Variants in ZMYND11 observed in about 807,000 individuals in gnomAD.
The protein encoded by ZMYND11 is zinc finger MYND-type containing 11, also known as zinc finger MYND domain-containing protein 11.
In ZMYND11, 9 loss-of-function variants were observed where a neutral mutation model predicts 84.9. The observed-to-expected ratio is 0.11, with a 90% confidence interval of 0.06 to 0.18. ZMYND11 has a LOEUF of 0.18. Among genes scored for constraint, ZMYND11 ranks in the 10% least tolerant of loss-of-function variants. The pLI, the probability that ZMYND11 is intolerant of heterozygous loss-of-function variation, is 1.00. For missense variants in ZMYND11, 409 were observed against 761.0 expected, an observed-to-expected ratio of 0.54 and a Z score of 5.44; for synonymous variants, 250 against 244.1, an observed-to-expected ratio of 1.02 and a Z score of -0.23.
At chr10:194,846 T>C (rs1038355523) in intron 2 of ZMYND11, among the ~76,000 whole-genome samples, 10 of 152,152 alleles carry the variant, frequency 6.6e-5, no homozygotes, top group African/African-American at 2.2e-4. Flanking sequence ...TCTGGAGGGA[T>C]GTAATGGAGG....
intron 2 of ZMYND11, among the ~76,000 whole-genome samples, chr10:202,045 A>G (rs754922286): frequency 1.4e-4 from 22 of 152,166 alleles, no homozygotes; most frequent in Non-Finnish European, 2.9e-4. Flanking sequence ...GCTAACAAAT[A>G]TGTTTTCACA....
chr10:144,444 A>T (rs1046006099), intron 1 of ZMYND11, among the ~76,000 whole-genome samples: 10 of 151,936 alleles, frequency 6.6e-5, no homozygotes, highest in Non-Finnish European at 1.3e-4. Flanking sequence ...ATCATCTCGA[A>T]CACCTAGGCT....
upstream of ZMYND11, among the ~76,000 whole-genome samples, chr10:133,060 C>A (rs999516808): frequency 1.3e-5 from 2 of 152,236 alleles, no homozygotes; most frequent in Admixed American, 6.5e-5. Flanking sequence ...CACATTCATT[C>A]AGCTGAGGGG....
intron 10 of ZMYND11, among the ~76,000 whole-genome samples, chr10:245,628 C>T (rs1589263423): frequency 6.6e-6 from 1 of 152,274 alleles, no homozygotes; most frequent in African/African-American, 2.4e-5. Context: ...GTGATGTTCC[C>T]TCTGCCTGGA....
In ZMYND11 at chr10:200,415, T is replaced by TA. The variant is rs576552900; in HGVS notation, c.117-9473dup. 1.1e-3 allele frequency among the ~76,000 whole-genome samples: 159 copies of TA among 147,326 alleles called. 2 individuals carry two copies. The highest frequency in any genetic ancestry group is 3.7e-3 in the African/African-American group (149 of 40,404). On this transcript the variant is annotated intron_variant, in intron 2 of 14. Transcript: ENST00000381604. ...ATATATTATATATACACCCTATATA[T>TA]ATAATAATATATGTTATAATAAATA... is the stretch of plus-strand genomic sequence containing the variant.
chr10:207,836 C>T (rs1944463453), intron 2 of ZMYND11, among the ~76,000 whole-genome samples: 2 of 152,308 alleles, frequency 1.3e-5, no homozygotes, highest in East Asian at 3.9e-4. Flanking sequence ...CCCACATCGC[C>T]AAGTCAATCC....
At chr10:230,289 A>G (rs1948784630) in intron 4 of ZMYND11, among the ~76,000 whole-genome samples, 1 of 152,110 alleles carries the variant, frequency 6.6e-6, no homozygotes, top group Non-Finnish European at 1.5e-5. Flanking sequence ...CCTGGCCAAT[A>G]TGGTGAAACT....
intron 1 of ZMYND11, among the ~76,000 whole-genome samples, chr10:144,906 A>T (rs1443830447): frequency 6.7e-6 from 1 of 150,328 alleles, no homozygotes; most frequent in Non-Finnish European, 1.5e-5. Context: ...AGAGATTTTT[A>T]AAATTTCTTA....
At position 239,414 on chromosome 10, in the gene ZMYND11, C is replaced by G. The variant is rs533622631; in HGVS notation, c.610-24C>G. 10 of 1,597,118 alleles carry G rather than the reference C, an allele frequency of 6.3e-6. No individual in the cohort carries two copies. In the South Asian group the frequency reaches 6.8e-5, roughly 11 times the overall value. Reference sequence around the variant, plus strand: ...TATTTTTACTGGTAACTCTTTTCGTCATTCTGTTTTTTGCCCTCTGCAGAA... The same window carrying G: ...TATTTTTACTGGTAACTCTTTTCGTGATTCTGTTTTTTGCCCTCTGCAGAA... On this transcript the variant is annotated intron_variant, in intron 6 of 14. Transcript: ENST00000381604.
At chr10:241,080 T>C in intron 9 of ZMYND11, 110 bp downstream of exon 9, 1 of 778,908 alleles carries the variant, frequency 1.3e-6, no homozygotes. Flanking sequence ...TATCATAGTA[T>C]ATATGGGTTT....
Position 177,377 on chromosome 10 carries a change from AGT to A in ZMYND11, c.-19-2614_-19-2613del, listed in dbSNP as rs376715830. On this transcript the variant is annotated intron_variant, in intron 1 of 14. Coordinates refer to ENST00000381604, the MANE Select transcript of ZMYND11 (RefSeq NM_001370100.5). ...TATAACTAATGATCATCCTCCTTAT[AGT>A]GTACCTGTATTACAAGGTATGTTTA... Among the ~76,000 whole-genome samples, 38 of 152,206 alleles carry A rather than the reference AGT, an allele frequency of 2.5e-4. No homozygotes were observed. The East Asian group carries it at 7.1e-3, about 29-fold the overall frequency.
At chr10:216,246 G>A (rs1946178365) in intron 3 of ZMYND11, among the ~76,000 whole-genome samples, 2 of 152,170 alleles carry the variant, frequency 1.3e-5, no homozygotes, top group Non-Finnish European at 2.9e-5. Context: ...TATTAAGTGA[G>A]GCTAAATTCA....
At chr10:150,782 C>A (rs1840146323) in intron 1 of ZMYND11, among the ~76,000 whole-genome samples, 1 of 152,198 alleles carries the variant, frequency 6.6e-6, no homozygotes, top group Admixed American at 6.5e-5. Context: ...GGACAGACTG[C>A]CTCCTCAAGT....
intron 4 of ZMYND11, among the ~76,000 whole-genome samples, 162 bp from the exon 5 acceptor site, chr10:236,676 T>C (rs1367292031): frequency 6.6e-6 from 1 of 152,238 alleles, no homozygotes; most frequent in Non-Finnish European, 1.5e-5. Flanking sequence ...TGCTGTTTTT[T>C]TTATGCAAAT....
At chr10:156,200 T>C (rs782795847) in intron 1 of ZMYND11, among the ~76,000 whole-genome samples, 7 of 152,146 alleles carry the variant, frequency 4.6e-5, no homozygotes, top group African/African-American at 1.4e-4. Flanking sequence ...CCAAGAACCA[T>C]TGGCCTCAAA....
At chr10:169,369 G>GT (rs1169607433) in intron 1 of ZMYND11, among the ~76,000 whole-genome samples, 16 of 152,134 alleles carry the variant, frequency 1.1e-4, no homozygotes, top group African/African-American at 3.9e-4. Context: ...CTTTTACCCA[G>GT]TACATAACGT....
intron 1 of ZMYND11, among the ~76,000 whole-genome samples, chr10:162,120 C>T (rs547078031): frequency 7.9e-5 from 12 of 152,178 alleles, no homozygotes; most frequent in Admixed American, 6.5e-5. Flanking sequence ...ATTAATGCGC[C>T]GGATTTCATT....
At position 150,038 on chromosome 10, in the gene ZMYND11, A is replaced by G. The variant is rs567867954; in HGVS notation, c.-20+14479A>G. ...CCAGTATTTTATTGAGGATTTTTGC[A>G]TCAATGTTCATCAGGGATATTGGTC... On this transcript the variant is annotated intron_variant, in intron 1 of 14. Coordinates refer to ENST00000381604, the MANE Select transcript of ZMYND11 (RefSeq NM_001370100.5). Among the ~76,000 whole-genome samples the G allele has an allele frequency of 7.2e-5, 11 of 152,318 alleles. No individual in the cohort carries two copies. In the East Asian group the frequency reaches 1.5e-3, roughly 21 times the overall value.
intron 1 of ZMYND11, among the ~76,000 whole-genome samples, chr10:150,329 G>A (rs1274542370): frequency 2.6e-5 from 4 of 152,138 alleles, no homozygotes; most frequent in African/African-American, 7.2e-5. Flanking sequence ...CTTCTTCCTG[G>A]TTTAGTCTTG....
Sources: allele counts gnomAD v4.1 joint callset (sites outside exome capture counted in the v4.1 genomes callset), GRCh38; gene constraint gnomAD v4.1.1; transcripts MANE v1.5; gene names NCBI Gene and HGNC (gene_info 2026-07-23, HGNC 2026-07-21).